ITGB7: variants seen among roughly 807,000 people sequenced by gnomAD.
The protein encoded by ITGB7 is integrin beta-7.
Under a neutral mutation model 83.4 loss-of-function variants are expected in ITGB7, and 55 were observed. The observed-to-expected ratio is 0.66, with a 90% CI of 0.53 to 0.83. The LOEUF (loss-of-function observed/expected upper bound fraction) is 0.83. Ranked by LOEUF, ITGB7 falls within the 40% of genes least tolerant of loss-of-function variation. The probability of loss-of-function intolerance (pLI) is 0.00; values close to 1 mark genes in which losing one functional copy is unlikely to be tolerated. For synonymous variants in ITGB7, 454 were observed against 423.6 expected, an observed-to-expected ratio of 1.07 and a Z score of -0.88; for missense variants, 921 against 1,046.7, an observed-to-expected ratio of 0.88 and a Z score of 1.66.
At position 53,196,109 on chromosome 12, in the gene ITGB7, T is replaced by C. The variant is rs141865453; in HGVS notation, c.907A>G (p.Ile303Val). 1.2e-6 allele frequency: 2 copies of C among 1,614,158 alleles called. No homozygotes were observed. Among genetic ancestry groups the C allele is most frequent in the East Asian group, 2.2e-5 (1 of 44,888 alleles). Residue 303 changes from isoleucine to valine, a missense_variant, in exon 7 of 16, where the codon ATT becomes GTT. By Grantham distance (29) the Ile-to-Val change is conservative. Coordinates refer to ENST00000267082, the MANE Select transcript of ITGB7 (RefSeq NM_000889.3). ...CAGTGCCCATCACTGGGCATGAAAATGCCGCCCAACTTCCCGTCCCCAGCT... is the reference window on the plus strand; with the variant it reads ...CAGTGCCCATCACTGGGCATGAAAACGCCGCCCAACTTCCCGTCCCCAGCT... ...HTAGDGKLGGIFMPSDGHCHL... is the reference protein window; with the variant it reads ...HTAGDGKLGGVFMPSDGHCHL...
chr12:53,191,941 G>A lies in ITGB7; in HGVS notation c.2234C>T (p.Ala745Val), dbSNP rs1941967179. ...ATAGATTTCCACCGAGAGCCGGTAA[G>A]CCAGGACCAGCCCCAGCCCCACTGC... ...IVAVGLGLVL[A>V]YRLSVEIYDR... The change falls in exon 15 of 16, where the codon GCT (alanine) becomes GTT (valine). Residue 745 changes from alanine (A) to valine (V), a missense_variant. Physicochemically the swap from Ala to Val is moderately conservative, Grantham distance 64. Transcript: ENST00000267082. 6.2e-7 allele frequency: 1 copy of A among 1,611,330 alleles called. No homozygotes were observed.
Position 53,196,720 on chromosome 12 carries a change from T to G in ITGB7, c.675A>C (p.Ser225=), listed in dbSNP as rs1187668998. ...PCPTRLERCQ[S]PFSFHHVLSL... ...ACAGCACATGGTGAAAGCTGAATGG[T>G]GACTGGCAGCGCTCCAGCCGGGTGG... Residue 225 remains serine (S), a synonymous_variant, in exon 6 of 16, where the codon TCA becomes TCC. Transcript: ENST00000267082. 5 of 1,612,942 alleles carry G rather than the reference T, an allele frequency of 3.1e-6. No homozygotes were observed. Among genetic ancestry groups the G allele is most frequent in the African/African-American group, 1.3e-5 (1 of 74,912 alleles).
At chr12:53,196,406 A>T in intron 6 of ITGB7, 173 bp downstream of exon 6, 2 of 1,052,972 alleles carry the variant, frequency 1.9e-6, no homozygotes, top group Non-Finnish European at 2.7e-6. Flanking sequence ...TTCGAAAAAC[A>T]TGCCTCCTCC....
chr12:53,192,966 T>C, intron 12 of ITGB7, 56 bp from the exon 13 acceptor site: 1 of 1,555,776 alleles, frequency 6.4e-7, no homozygotes, highest in South Asian at 1.1e-5. Context: ...CAGTTGGCCA[T>C]CATGTGGCAC....
chr12:53,194,804 C>G (rs192435749), intron 9 of ITGB7: 2 of 171,348 alleles, frequency 1.2e-5, no homozygotes, highest in Non-Finnish European at 2.6e-5. Context: ...GAGGTAAGAC[C>G]TAAACCACTA....
At chr12:53,197,984 GTCCTGCATAGGCCCTGGGCCCCGC>G in intron 3 of ITGB7, 33 bp from the exon 4 acceptor site, 1 of 1,512,934 alleles carries the variant, frequency 6.6e-7, no homozygotes, top group Non-Finnish European at 8.8e-7. Flanking sequence ...TCGGGACCCG[GTCCTGCATAGGCCCTGGGCCCCGC>G]TCCCAAAAAC....
At chr12:53,193,512 G>C in intron 11 of ITGB7, 149 bp from the exon 12 acceptor site, 1 of 743,910 alleles carries the variant, frequency 1.3e-6, no homozygotes, top group Non-Finnish European at 2.2e-6. Flanking sequence ...AAACACTGAG[G>C]GGTGAGAGAG....
chr12:53,197,672 T>G lies in ITGB7; in HGVS notation c.404-9A>C. ...GAGCTGCTGGGGCTCCCCTAGGGGG[T>G]GGGCGGCGGGCGGGTCAGCAGAGCG... On this transcript the variant is annotated splice_polypyrimidine_tract_variant and intron_variant, in intron 4 of 15. Coordinates refer to ENST00000267082, the MANE Select transcript of ITGB7 (RefSeq NM_000889.3). 6.2e-7 allele frequency: 1 copy of G among 1,612,462 alleles called. No individual in the cohort carries two copies. The highest frequency in any genetic ancestry group is 8.5e-7 in the Non-Finnish European group (1 of 1,179,376).
chr12:53,192,540 T>C lies in ITGB7; in HGVS notation c.1947-2A>G. On this transcript the variant is annotated splice_acceptor_variant, in intron 13 of 15. Transcript: ENST00000267082. LOFTEE classifies it high-confidence loss of function. ...AAGGCCCCACACTCTGCACAGTCCC[T>C]GTGTAGTAGATGCCAATAGGTTACC... 6.2e-7 allele frequency: 1 copy of C among 1,613,756 alleles called. No homozygotes were observed. The highest frequency in any genetic ancestry group is 8.5e-7 in the Non-Finnish European group (1 of 1,179,816).
chr12:53,197,359 C>T, intron 5 of ITGB7, 134 bp downstream of exon 5: 2 of 966,354 alleles, frequency 2.1e-6, no homozygotes, highest in African/African-American at 3.2e-5. Flanking sequence ...CAGGAACGAA[C>T]CTGTGGCCTG....
chr12:53,195,342 C>T (rs1294224576), intron 9 of ITGB7, 32 bp downstream of exon 9: 3 of 1,518,360 alleles, frequency 2.0e-6, no homozygotes, highest in Admixed American at 3.3e-5. Flanking sequence ...TAGTGCCCAC[C>T]CTCACCATCT....
intron 11 of ITGB7, 84 bp downstream of exon 11, chr12:53,193,624 G>A (rs1592398516): frequency 2.5e-6 from 3 of 1,211,938 alleles, no homozygotes; most frequent in Non-Finnish European, 3.5e-6. Flanking sequence ...TCCTGTGGGG[G>A]GGATGGAAAG....
chr12:53,193,022 C>A, intron 12 of ITGB7, 112 bp from the exon 13 acceptor site: 1 of 1,358,190 alleles, frequency 7.4e-7, no homozygotes, highest in Non-Finnish European at 1.0e-6. Context: ...CAACCACACC[C>A]TCTAACCCAT....
rs748710137 is a variant in ITGB7 at position 53,194,253 on chromosome 12, C to T, written c.1253G>A (p.Arg418Lys). Residue 418 changes from arginine to lysine, a missense_variant, in exon 10 of 16, where the codon AGG becomes AAG. By Grantham distance (26) the Arg-to-Lys change is conservative. Transcript: ENST00000267082. Reference protein sequence around the residue: ...YESQCEGPEKREGKAEDRGQC... With the variant: ...YESQCEGPEKKEGKAEDRGQC... ...TCCTCGATCCTCAGCCTTACCCTCC[C>T]TCTTCTCAGGACCCTCACACTGGGA... 1.2e-6 allele frequency: 2 copies of T among 1,614,122 alleles called. No individual in the cohort carries two copies. The highest frequency in any genetic ancestry group is 1.3e-5 in the African/African-American group (1 of 75,004).
At chr12:53,196,482 G>C (rs1942164327) in intron 6 of ITGB7, 97 bp downstream of exon 6, 1 of 1,446,684 alleles carries the variant, frequency 6.9e-7, no homozygotes, top group African/African-American at 1.4e-5. Context: ...ACTATGGTAT[G>C]AATGGCACCC....
At chr12:53,191,787 G>T in intron 15 of ITGB7, 72 bp downstream of exon 15, 1 of 1,595,982 alleles carries the variant, frequency 6.3e-7, no homozygotes, top group Non-Finnish European at 8.6e-7. Context: ...GGGGAACCCA[G>T]TGGGAGGAAT....
At chr12:53,199,630 C>T (rs2120494302) in intron 3 of ITGB7, among the ~76,000 whole-genome samples, 1 of 151,736 alleles carries the variant, frequency 6.6e-6, no homozygotes, top group African/African-American at 2.4e-5. Flanking sequence ...GGGTGGAACC[C>T]TCATGATGGA....
At chr12:53,197,398 A>G in intron 5 of ITGB7, 95 bp downstream of exon 5, 1 of 1,450,202 alleles carries the variant, frequency 6.9e-7, no homozygotes, top group South Asian at 1.1e-5. Flanking sequence ...TGGGAGGGCA[A>G]GTTGGGGCCC....
chr12:53,205,407 T>C (rs1008161003), intron 1 of ITGB7, among the ~76,000 whole-genome samples: 3 of 152,234 alleles, frequency 2.0e-5, no homozygotes, highest in Admixed American at 2.0e-4. Flanking sequence ...CAGGCTGGTC[T>C]AGAACTCCTG....
Sources: gnomAD v4.1 joint callset for allele counts (sites outside exome capture counted in the v4.1 genomes callset) on GRCh38, gnomAD v4.1.1 for gene constraint, MANE v1.5 for transcripts, NCBI Gene and HGNC (gene_info 2026-07-23, HGNC 2026-07-21) for gene names.